Variants in FAF1 observed in about 807,000 individuals in gnomAD.
FAF1 encodes the protein Fas associated factor 1, also known as FAS-associated factor 1.
Under a neutral mutation model 92.5 loss-of-function variants are expected in FAF1, and 25 were observed. The ratio of observed to expected loss-of-function variants is 0.27; its 90% CI spans 0.20 to 0.38. FAF1 has a LOEUF of 0.38. Ranked by LOEUF, FAF1 falls within the 10% of genes least tolerant of loss-of-function variation. The pLI is 1.00. For synonymous variants in FAF1, 234 were observed against 273.2 expected (o/e 0.86, Z 1.42); for missense variants, 636 against 793.3 (o/e 0.80, Z 2.38).
At chr1:50,943,472 A>C (rs1475443158) in intron 1 of FAF1, among the ~76,000 whole-genome samples, 2 of 152,156 alleles carry the variant, frequency 1.3e-5, no homozygotes, top group Non-Finnish European at 2.9e-5. Context: ...CACAAGAAAA[A>C]AGTCCAGGGC....
chr1:50,783,317 C>T (rs753443263), intron 4 of FAF1, among the ~76,000 whole-genome samples: 5 of 152,078 alleles, frequency 3.3e-5, no homozygotes, highest in Non-Finnish European at 4.4e-5. Context: ...CACACTCTTC[C>T]GAAAAACTGA....
chr1:50,490,644 T>G lies in FAF1; in HGVS notation c.1597A>C (p.Met533Leu), dbSNP rs200550139. Residue 533 changes from methionine (M) to leucine (L), a missense_variant, in exon 17 of 19, where the codon ATG (methionine) becomes CTG (leucine). Met to Leu is a conservative substitution (Grantham distance 15). This residue lies in a region of FAF1 where 319 missense variants were observed against 451.0 expected (regional missense o/e 0.71). Coordinates refer to ENST00000396153, the MANE Select transcript of FAF1 (RefSeq NM_007051.3). ...TGCTCCAAACGAAACTGTTCTGCCATCTCTCTCTCGTGAGCTTCCCTCTGT... is the reference window on the plus strand; with the variant it reads ...TGCTCCAAACGAAACTGTTCTGCCAGCTCTCTCTCGTGAGCTTCCCTCTGT... ...RAKREAHERE[M>L]AEQFRLEQIR... 1 of 1,610,954 alleles carries G rather than the reference T, an allele frequency of 6.2e-7. No homozygotes were observed. The highest frequency in any genetic ancestry group is 8.5e-7 in the Non-Finnish European group (1 of 1,177,144).
chr1:50,851,252 TG>T (rs1410840802), intron 2 of FAF1, among the ~76,000 whole-genome samples: 1 of 152,180 alleles, frequency 6.6e-6, no homozygotes, highest in Admixed American at 6.5e-5. Flanking sequence ...GGCTAATTTT[TG>T]TATTTTTTGG....
chr1:50,484,184 T>G (rs1646734591), intron 17 of FAF1, among the ~76,000 whole-genome samples: 1 of 152,208 alleles, frequency 6.6e-6, no homozygotes, highest in African/African-American at 2.4e-5. Context: ...GCAGTCAATC[T>G]CTATTCCTGG....
chr1:50,488,889 T>C (rs1254054651), intron 17 of FAF1, among the ~76,000 whole-genome samples: 1 of 152,226 alleles, frequency 6.6e-6, no homozygotes, highest in African/African-American at 2.4e-5. Flanking sequence ...CCTTCCATTA[T>C]TGACAGTCCT....
intron 1 of FAF1, among the ~76,000 whole-genome samples, chr1:50,862,593 T>C (rs1182563435): frequency 7.9e-5 from 12 of 151,668 alleles, no homozygotes; most frequent in African/African-American, 1.2e-4. Context: ...TTAAAAGATA[T>C]AGAATGGCAG....
At chr1:50,588,061 C>T (rs577508504) in intron 9 of FAF1, among the ~76,000 whole-genome samples, 47 of 152,148 alleles carry the variant, frequency 3.1e-4, no homozygotes, top group African/African-American at 1.1e-3. Flanking sequence ...CCGAGGCAGG[C>T]GGATCACTTA....
In FAF1 at chr1:50,687,031, G is replaced by C. The variant is rs375754453; in HGVS notation, c.657+18755C>G. ...TTTAGCAGAGACAGGGTTTTGCCAT[G>C]TTGCCCAGGCTGGACTCGAACTCCT... On this transcript the variant is annotated intron_variant, in intron 7 of 18. Transcript: ENST00000396153. Among the ~76,000 whole-genome samples the C allele has an allele frequency of 3.9e-5, 6 of 152,156 alleles. No homozygotes were observed. The East Asian group carries it at 1.2e-3, about 29-fold the overall frequency.
At chr1:50,665,386 C>T (rs1655572578) in intron 7 of FAF1, among the ~76,000 whole-genome samples, 1 of 152,198 alleles carries the variant, frequency 6.6e-6, no homozygotes, top group Non-Finnish European at 1.5e-5. Flanking sequence ...TATTTCGCTA[C>T]AAGGATATTC....
At chr1:50,758,311 C>T (rs1660163381) in intron 4 of FAF1, among the ~76,000 whole-genome samples, 1 of 152,170 alleles carries the variant, frequency 6.6e-6, no homozygotes, top group South Asian at 2.1e-4. Context: ...GCCTCGGCCT[C>T]CCAAAATGCT....
chr1:50,919,622 G>T (rs988902652), intron 1 of FAF1, among the ~76,000 whole-genome samples: 4 of 151,900 alleles, frequency 2.6e-5, no homozygotes, highest in African/African-American at 7.3e-5. Flanking sequence ...CGAGTAGCTG[G>T]GATTACAAGC....
At chr1:50,638,439 CTTTTTCT>C (rs1190920889) in intron 8 of FAF1, among the ~76,000 whole-genome samples, 172 of 143,296 alleles carry the variant, frequency 1.2e-3, no homozygotes, top group African/African-American at 4.2e-3. Context: ...TTTTCTTTTT[CTTTTTCT>C]TTTTTTTTTT....
rs939756545 is a variant in FAF1 at position 50,487,063 on chromosome 1, A to G, written c.1653+3525T>C. 7.9e-5 allele frequency among the ~76,000 whole-genome samples: 12 copies of G among 152,314 alleles called. 1 individual carries two copies. Among genetic ancestry groups the G allele is most frequent in the South Asian group, 4.1e-4 (2 of 4,826 alleles). On this transcript the variant is annotated intron_variant, in intron 17 of 18. Transcript: ENST00000396153. ...AAAAAGTTTTAAGGAGCTGTCATAC[A>G]TAACTTGCCATTGTCACACATAACT...
chr1:50,915,415 T>A (rs1446289639), intron 1 of FAF1, among the ~76,000 whole-genome samples: 1 of 151,280 alleles, frequency 6.6e-6, no homozygotes, highest in Non-Finnish European at 1.5e-5. Context: ...ACAAACTCCA[T>A]CTTTCATTCA....
At chr1:50,649,450 CT>C (rs1263044542) in intron 8 of FAF1, among the ~76,000 whole-genome samples, 1 of 151,976 alleles carries the variant, frequency 6.6e-6, no homozygotes, top group Non-Finnish European at 1.5e-5. Flanking sequence ...GTGCCTGGCT[CT>C]TTTTATTTTA....
chr1:50,753,591 G>A (rs184458354), intron 4 of FAF1, among the ~76,000 whole-genome samples: 8 of 152,280 alleles, frequency 5.3e-5, no homozygotes, highest in Admixed American at 2.0e-4. Context: ...CAGATCTGCT[G>A]TTAATCTCAT....
At chr1:50,653,732 G>A (rs1008246105) in intron 8 of FAF1, among the ~76,000 whole-genome samples, 4 of 152,130 alleles carry the variant, frequency 2.6e-5, no homozygotes, top group Non-Finnish European at 4.4e-5. Context: ...CGGGTGTGGC[G>A]GCAGGCGCCT....
At chr1:50,863,065 C>A (rs1644449126) in intron 1 of FAF1, among the ~76,000 whole-genome samples, 1 of 151,952 alleles carries the variant, frequency 6.6e-6, no homozygotes, top group Non-Finnish European at 1.5e-5. Flanking sequence ...AATATACATT[C>A]TATTCATCAG....
intron 15 of FAF1, among the ~76,000 whole-genome samples, chr1:50,517,826 A>G (rs1647274209): frequency 6.6e-6 from 1 of 152,230 alleles, no homozygotes; most frequent in Non-Finnish European, 1.5e-5. Context: ...GATTTTGCAA[A>G]TGGCCTAGTC....
Sources: gnomAD v4.1 joint callset for allele counts (sites outside exome capture counted in the v4.1 genomes callset) on GRCh38, gnomAD v4.1.1 for gene constraint, gnomAD v4.1.1 regional missense constraint, MANE v1.5 for transcripts, NCBI Gene and HGNC (gene_info 2026-07-23, HGNC 2026-07-21) for gene names.